The following CADM2 variants were observed in gnomAD, a reference collection of about 807,000 sequenced individuals.
CADM2 encodes the protein immunoglobulin superfamily member 4D.
CADM2 carries 12 observed loss-of-function variants against 49.8 expected under a neutral mutation model. The ratio of observed to expected loss-of-function variants is 0.24; its 90% CI spans 0.15 to 0.39. The LOEUF (loss-of-function observed/expected upper bound fraction) is 0.39. Among genes scored for constraint, CADM2 ranks in the 10% least tolerant of loss-of-function variants. CADM2 has a pLI of 1.00. For synonymous variants in CADM2, 214 were observed against 175.4 expected (o/e 1.22, Z -1.74); for missense variants, 378 against 492.3 (o/e 0.77, Z 2.20).
rs570811933 is a variant in CADM2 at position 85,123,910 on chromosome 3, T to C, written c.61+164242T>C. ...AAAGATTTATTCAAGGCTATTGCAA[T>C]AGGAGACAGAAGCCATATCTATGTT... On this transcript the variant is annotated intron_variant, in intron 1 of 9. Transcript: ENST00000383699. Among the ~76,000 whole-genome samples the C allele has an allele frequency of 2.6e-5, 4 of 152,254 alleles. No individual in the cohort carries two copies. The South Asian group carries it at 8.3e-4, about 32-fold the overall frequency.
intron 1 of CADM2, among the ~76,000 whole-genome samples, chr3:85,619,150 G>T (rs373773882): frequency 6.6e-6 from 1 of 152,194 alleles, no homozygotes; most frequent in East Asian, 1.9e-4. Flanking sequence ...TAAAATTTTG[G>T]ACACTGTAAC....
intron 1 of CADM2, among the ~76,000 whole-genome samples, chr3:85,451,950 G>A (rs995888497): frequency 2.6e-5 from 4 of 152,148 alleles, no homozygotes; most frequent in Admixed American, 2.6e-4. Flanking sequence ...CAATTTCTAA[G>A]CTAAATGCTT....
intron 8 of CADM2, chr3:86,014,412 G>A: frequency 6.8e-7 from 1 of 1,477,438 alleles, no homozygotes; most frequent in Non-Finnish European, 9.0e-7. Context: ...CGAAGTGATG[G>A]AAAATATTGA....
chr3:85,930,670 T>A (rs563667994), intron 6 of CADM2, among the ~76,000 whole-genome samples: 1 of 152,164 alleles, frequency 6.6e-6, no homozygotes, highest in South Asian at 2.1e-4. Context: ...TGAATTGATT[T>A]GATTTTTATA....
At chr3:85,786,425 C>G (rs2070993889) in intron 2 of CADM2, among the ~76,000 whole-genome samples, 1 of 152,002 alleles carries the variant, frequency 6.6e-6, no homozygotes, top group East Asian at 1.9e-4. Flanking sequence ...TCCCCTAGAT[C>G]TAATGTGGCA....
chr3:86,051,902 C>T (rs1282625363), intron 8 of CADM2, among the ~76,000 whole-genome samples: 2 of 152,078 alleles, frequency 1.3e-5, no homozygotes, highest in Non-Finnish European at 1.5e-5. Flanking sequence ...TACCTCCAAC[C>T]CTGGGAATTA....
At chr3:85,980,434 A>G (rs1189791344) in intron 8 of CADM2, among the ~76,000 whole-genome samples, 1 of 151,516 alleles carries the variant, frequency 6.6e-6, no homozygotes, top group East Asian at 1.9e-4. Flanking sequence ...CCATTTTTTA[A>G]TAATGACATC....
At chr3:85,488,907 G>A (rs2107642191) in intron 1 of CADM2, among the ~76,000 whole-genome samples, 1 of 152,092 alleles carries the variant, frequency 6.6e-6, no homozygotes, top group East Asian at 1.9e-4. Context: ...GTAAGCTGTA[G>A]TAAAAAAAGA....
At chr3:85,835,116 G>A (rs1189744739) in intron 3 of CADM2, among the ~76,000 whole-genome samples, 1 of 151,508 alleles carries the variant, frequency 6.6e-6, no homozygotes, top group African/African-American at 2.4e-5. Flanking sequence ...AACTTGCAGT[G>A]AACAATGCAA....
At chr3:84,971,680 C>T (rs1001240352) in intron 1 of CADM2, among the ~76,000 whole-genome samples, 1 of 151,874 alleles carries the variant, frequency 6.6e-6, no homozygotes, top group Non-Finnish European at 1.5e-5. Flanking sequence ...ACATATTATC[C>T]CTGAAAGATA....
At chr3:85,440,296 CCCA>C (rs1336562685) in intron 1 of CADM2, among the ~76,000 whole-genome samples, 4 of 152,198 alleles carry the variant, frequency 2.6e-5, no homozygotes, top group African/African-American at 9.6e-5. Context: ...TGGAACACAC[CCCA>C]CGTCATTCTT....
At chr3:85,761,231 ACT>A (rs775292772) in intron 2 of CADM2, among the ~76,000 whole-genome samples, 7 of 152,106 alleles carry the variant, frequency 4.6e-5, no homozygotes, top group Non-Finnish European at 8.8e-5. Context: ...TTTTCTAGAC[ACT>A]CTAACACACA....
At position 85,295,941 on chromosome 3, in the gene CADM2, AAAG is replaced by A. The variant is rs553730974; in HGVS notation, c.61+336282_61+336284del. On this transcript the variant is annotated intron_variant, in intron 1 of 9. Coordinates refer to ENST00000383699, the MANE Select transcript of CADM2 (RefSeq NM_001167675.2). ...TTAAAGTATAATAAAAAAAAGAAAAAAAGAAGAAGAAAAAAAAAGTAGTAAACC... is the reference window on the plus strand; with the variant it reads ...TTAAAGTATAATAAAAAAAAGAAAAAAAGAAGAAAAAAAAAGTAGTAAACC... Among the ~76,000 whole-genome samples the A allele has an allele frequency of 1.9e-3, 291 of 152,128 alleles. 1 individual carries two copies. Among genetic ancestry groups the A allele is most frequent in the African/African-American group, 6.5e-3 (268 of 41,516 alleles).
At chr3:85,241,410 A>G (rs1273398593) in intron 1 of CADM2, among the ~76,000 whole-genome samples, 2 of 151,558 alleles carry the variant, frequency 1.3e-5, no homozygotes, top group Non-Finnish European at 3.0e-5. Flanking sequence ...TTTTAAACGA[A>G]AACTTGAAAT....
intron 1 of CADM2, among the ~76,000 whole-genome samples, chr3:85,049,367 T>A (rs550386898): frequency 2.2e-5 from 2 of 91,314 alleles, no homozygotes; most frequent in African/African-American, 1.8e-4. Context: ...TTATTTATTT[T>A]TGAGATGGAG....
intron 1 of CADM2, among the ~76,000 whole-genome samples, chr3:85,363,602 T>A (rs1316522607): frequency 6.6e-6 from 1 of 152,194 alleles, no homozygotes; most frequent in Non-Finnish European, 1.5e-5. Flanking sequence ...ATTTGATATC[T>A]TTATTTTATT....
intron 8 of CADM2, among the ~76,000 whole-genome samples, chr3:86,047,155 T>G (rs1377522555): frequency 1.3e-5 from 2 of 152,162 alleles, no homozygotes; most frequent in African/African-American, 4.8e-5. Flanking sequence ...ATAGCTCTAT[T>G]ATTTCTTAAT....
chr3:85,481,717 C>A (rs1351321701), intron 1 of CADM2, among the ~76,000 whole-genome samples: 1 of 151,488 alleles, frequency 6.6e-6, no homozygotes, highest in Non-Finnish European at 1.5e-5. Flanking sequence ...TTCTTTCAAG[C>A]ATATTTAAAT....
At chr3:85,412,116 C>T (rs974811843) in intron 1 of CADM2, among the ~76,000 whole-genome samples, 3 of 152,096 alleles carry the variant, frequency 2.0e-5, no homozygotes, top group Non-Finnish European at 2.9e-5. Flanking sequence ...AGGAGTGAGC[C>T]AACATGCCGG....
Sources: allele counts gnomAD v4.1 joint callset (sites outside exome capture counted in the v4.1 genomes callset), GRCh38; gene constraint gnomAD v4.1.1; transcripts MANE v1.5; gene names NCBI Gene and HGNC (gene_info 2026-07-23, HGNC 2026-07-21).